The following LRCH1 variants were observed in gnomAD, a reference collection of about 807,000 sequenced individuals.
LRCH1 encodes leucine-rich repeat and calponin homology domain-containing protein 1.
In LRCH1, 23 loss-of-function variants were observed where a neutral mutation model predicts 94.9. That is an observed-to-expected ratio of 0.24 (90% CI 0.17 to 0.34). The LOEUF (loss-of-function observed/expected upper bound fraction) is 0.34, where lower values mean the gene tolerates loss of function less well. Among genes scored for constraint, LRCH1 ranks in the 10% least tolerant of loss-of-function variants. LRCH1 has a pLI of 1.00. For missense variants in LRCH1, 790 were observed against 945.9 expected (o/e 0.84, Z 2.16); for synonymous variants, 364 against 354.9 (o/e 1.03, Z -0.29).
intron 1 of LRCH1, among the ~76,000 whole-genome samples, chr13:46,630,954 A>G (rs562902146): frequency 1.3e-5 from 2 of 152,322 alleles, no homozygotes; most frequent in Admixed American, 6.5e-5. Context: ...CTTCAGGGAC[A>G]TATGTGCTCT....
rs766170004 is a variant in LRCH1, at chr13:46,712,513, CCAACACCA to C, written c.1582-9_1582-2del. ...ATTTTTTTCCTAATTTCCTTTCCTT[CCAACACCA>C]CAGATTAGAGAGAACTCCCCTGCAG... On this transcript the variant is annotated splice_polypyrimidine_tract_variant and splice_region_variant and intron_variant, in intron 14 of 19. Coordinates refer to ENST00000389797, the MANE Select transcript of LRCH1 (RefSeq NM_001164211.2). The C allele has an allele frequency of 5.1e-5, 82 of 1,605,630 alleles. No homozygotes were observed. Among genetic ancestry groups the C allele is most frequent in the Non-Finnish European group, 6.5e-5 (76 of 1,173,312 alleles).
At chr13:46,571,173 T>C (rs930341126) in intron 1 of LRCH1, among the ~76,000 whole-genome samples, 1 of 152,234 alleles carries the variant, frequency 6.6e-6, no homozygotes, top group Non-Finnish European at 1.5e-5. Context: ...CTTTTGGTGA[T>C]CAAAACACAC....
At position 46,672,601 on chromosome 13, in the gene LRCH1, G is replaced by C. The variant is rs913101285; in HGVS notation, c.579+3445G>C. Among the ~76,000 whole-genome samples, 4 of 152,306 alleles carry C rather than the reference G, an allele frequency of 2.6e-5. No individual in the cohort carries two copies. In the East Asian group the frequency reaches 5.8e-4, roughly 22 times the overall value. ...ACCCTTTGTCAGCTGCAGGGCTGAC[G>C]TGTAAACAGCGTTGTCTCCAGCGTC... On this transcript the variant is annotated intron_variant, in intron 3 of 19. Transcript: ENST00000389797.
chr13:46,663,335 TTTG>T (rs58801835), intron 2 of LRCH1, among the ~76,000 whole-genome samples: 80,108 of 151,512 alleles, frequency 0.53, 21,887 homozygotes, highest in South Asian at 0.62. Flanking sequence ...AAGCAAAGCT[TTTG>T]TTGTTGTTGT....
intron 1 of LRCH1, among the ~76,000 whole-genome samples, chr13:46,602,398 G>A (rs1047648780): frequency 3.3e-5 from 5 of 152,210 alleles, no homozygotes; most frequent in African/African-American, 4.8e-5. Flanking sequence ...CATTCAGGGT[G>A]AAGAACATGG....
intron 1 of LRCH1, among the ~76,000 whole-genome samples, chr13:46,570,159 A>G (rs1253580737): frequency 6.6e-6 from 1 of 152,174 alleles, no homozygotes; most frequent in Non-Finnish European, 1.5e-5. Context: ...TTTTCTTCCC[A>G]TCTGACAGAC....
rs763684982 is a variant in LRCH1, at chr13:46,689,257, T to C, written c.1014+61T>C. ...TTCTAGACATATCTACCAGTGTTCA[T>C]TGAACTCCTTTCTGTTAAAGGGCAT... On this transcript the variant is annotated intron_variant, in intron 7 of 19. Transcript: ENST00000389797. 84 of 1,277,134 alleles carry C rather than the reference T, an allele frequency of 6.6e-5. 1 individual carries two copies. Among genetic ancestry groups the C allele is most frequent in the Non-Finnish European group, 9.0e-5 (80 of 888,066 alleles). The allele number at this position is 1,277,134 out of a possible 1,614,324, so 79.1% of individuals were successfully genotyped here. A position where few individuals can be genotyped will look rare whatever the true frequency, so the allele number is the denominator to read the frequency against.
chr13:46,701,971 T>A (rs1212212644), intron 11 of LRCH1, among the ~76,000 whole-genome samples: 1 of 152,232 alleles, frequency 6.6e-6, no homozygotes, highest in Admixed American at 6.5e-5. Context: ...CCCAGAATGC[T>A]GATGAGAATA....
exon 19 of LRCH1, chr13:46,752,851 T>C (rs1874197786): frequency 6.6e-6 from 1 of 152,220 alleles, no homozygotes; most frequent in Non-Finnish European, 1.5e-5. Flanking sequence ...CAGTCTTCTG[T>C]AAAATTGCTT....
chr13:46,685,665 C>T (rs1870570140), intron 4 of LRCH1, among the ~76,000 whole-genome samples: 1 of 151,958 alleles, frequency 6.6e-6, no homozygotes, highest in African/African-American at 2.4e-5. Flanking sequence ...TTAAGTGTTT[C>T]CAGTTTTTAT....
At chr13:46,595,330 CAGTA>C (rs1435832210) in intron 1 of LRCH1, among the ~76,000 whole-genome samples, 1 of 152,190 alleles carries the variant, frequency 6.6e-6, no homozygotes, top group East Asian at 1.9e-4. Context: ...CCCGACCATG[CAGTA>C]AGTGACTTCC....
chr13:46,670,133 G>A (rs558649901), intron 3 of LRCH1, among the ~76,000 whole-genome samples: 1 of 152,308 alleles, frequency 6.6e-6, no homozygotes, highest in Non-Finnish European at 1.5e-5. Context: ...TGTCACATAC[G>A]TATCAACTTT....
intron 16 of LRCH1, among the ~76,000 whole-genome samples, chr13:46,720,065 A>G (rs779961269): frequency 6.6e-6 from 1 of 152,040 alleles, no homozygotes; most frequent in South Asian, 2.1e-4. Context: ...TAATTTAAGC[A>G]GAACTTATTT....
Position 46,669,051 on chromosome 13 carries a change from G to T in LRCH1, c.474G>T (p.Leu158=). 3 of 1,608,978 alleles carry T rather than the reference G, an allele frequency of 1.9e-6. No homozygotes were observed. Among genetic ancestry groups the T allele is most frequent in the Non-Finnish European group, 2.5e-6 (3 of 1,176,716 alleles). The change falls in exon 3 of 20, where the codon CTG becomes CTT. Residue 158 remains leucine (L), a synonymous_variant. Transcript: ENST00000389797. ...LNLSRNQLSA[L]PACLCGLPLK... is the part of the protein sequence containing the mutation. ...GCAGTCGAAATCAGCTGTCCGCCCT[G>T]CCTGCCTGCCTGTGTGGTCTGCCTC...
intron 2 of LRCH1, among the ~76,000 whole-genome samples, chr13:46,658,675 C>G (rs895572983): frequency 1.3e-5 from 2 of 152,082 alleles, no homozygotes; most frequent in Non-Finnish European, 2.9e-5. Flanking sequence ...GAGATGGAGT[C>G]TCGCTCTGTG....
intron 1 of LRCH1, among the ~76,000 whole-genome samples, chr13:46,643,753 C>G (rs1054414144): frequency 3.3e-5 from 5 of 152,194 alleles, no homozygotes; most frequent in African/African-American, 1.2e-4. Flanking sequence ...AAATGATACT[C>G]AGAGAAAAAG....
intron 1 of LRCH1, among the ~76,000 whole-genome samples, chr13:46,641,694 A>C (rs544303970): frequency 1.4e-4 from 21 of 152,268 alleles, no homozygotes; most frequent in Middle Eastern, 6.8e-3. Flanking sequence ...CTGATAACTC[A>C]GGATGTTGTT....
chr13:46,676,270 G>A (rs1186976714), intron 3 of LRCH1, among the ~76,000 whole-genome samples: 1 of 151,552 alleles, frequency 6.6e-6, no homozygotes, highest in Non-Finnish European at 1.5e-5. Context: ...GGGGTGGGGG[G>A]AAAGACAGCA....
At chr13:46,691,861 T>C (rs550614324) in intron 7 of LRCH1, among the ~76,000 whole-genome samples, 2 of 152,124 alleles carry the variant, frequency 1.3e-5, no homozygotes, top group African/African-American at 4.8e-5. Context: ...AGCTAATTTT[T>C]GTATTTTTAG....
Sources: allele counts gnomAD v4.1 joint callset (sites outside exome capture counted in the v4.1 genomes callset), GRCh38; gene constraint gnomAD v4.1.1; transcripts MANE v1.5; gene names NCBI Gene and HGNC (gene_info 2026-07-23, HGNC 2026-07-21).